MYO16: variants seen among roughly 807,000 people sequenced by gnomAD.
MYO16 encodes the protein unconventional myosin-XVI.
MYO16 carries 94 observed loss-of-function variants against 205.3 expected under a neutral mutation model. That is an observed-to-expected ratio of 0.46 (90% CI 0.39 to 0.54). The LOEUF (loss-of-function observed/expected upper bound fraction) is 0.54. Among genes scored for constraint, MYO16 ranks in the 20% least tolerant of loss-of-function variants. MYO16 has a pLI of 0.00. For synonymous variants in MYO16, 988 were observed against 954.0 expected, an observed-to-expected ratio of 1.04 and a Z score of -0.66; for missense variants, 2,315 against 2,387.5, an observed-to-expected ratio of 0.97 and a Z score of 0.63.
chr13:108,847,950 C>T (rs564132638), intron 10 of MYO16, among the ~76,000 whole-genome samples: 24 of 152,112 alleles, frequency 1.6e-4, no homozygotes, highest in Non-Finnish European at 2.6e-4. Flanking sequence ...AAATTGAAGT[C>T]AAGTCTTCAT....
At chr13:108,589,267 G>T in the MYO16 span, among the ~76,000 whole-genome samples, 1 of 152,074 alleles carries the variant, frequency 6.6e-6, no homozygotes, top group South Asian at 2.1e-4. Flanking sequence ...TTTTCCTACC[G>T]AACAGATTTT....
chr13:108,807,046 AC>A (rs1887136876), intron 7 of MYO16, among the ~76,000 whole-genome samples: 1 of 152,212 alleles, frequency 6.6e-6, no homozygotes, highest in African/African-American at 2.4e-5. Flanking sequence ...AAATCTGTAA[AC>A]ATTTGTCATA....
chr13:109,061,617 C>T (rs1178853661), intron 27 of MYO16, among the ~76,000 whole-genome samples: 1 of 152,090 alleles, frequency 6.6e-6, no homozygotes, highest in Admixed American at 6.6e-5. Context: ...TTTCTTATAT[C>T]GGTGTGGTTT....
chr13:109,010,949 A>G (rs752489982), intron 22 of MYO16, among the ~76,000 whole-genome samples: 14 of 132,156 alleles, frequency 1.1e-4, no homozygotes, highest in Non-Finnish European at 1.6e-4. Context: ...TATATATTAC[A>G]TATAATATTA....
intron 4 of MYO16, among the ~76,000 whole-genome samples, chr13:108,728,325 C>T (rs1884408851): frequency 6.6e-6 from 1 of 152,184 alleles, no homozygotes; most frequent in Non-Finnish European, 1.5e-5. Flanking sequence ...TATTAAACAA[C>T]TTGCCGTAAG....
At chr13:108,918,163 T>G (rs1881581853) in intron 16 of MYO16, among the ~76,000 whole-genome samples, 1 of 152,232 alleles carries the variant, frequency 6.6e-6, no homozygotes, top group Non-Finnish European at 1.5e-5. Context: ...ATCAGCATCT[T>G]AACCCTTCTC....
chr13:108,918,553 C>G (rs1365653445), intron 16 of MYO16, among the ~76,000 whole-genome samples: 1 of 152,228 alleles, frequency 6.6e-6, no homozygotes, highest in Non-Finnish European at 1.5e-5. Flanking sequence ...AGTGGCCCAT[C>G]TCTCAGCAGA....
Position 108,820,429 on chromosome 13 carries a change from C to T in MYO16, c.943+17C>T. The T allele has an allele frequency of 1.3e-6, 2 of 1,589,364 alleles. No homozygotes were observed. The highest frequency in any genetic ancestry group is 1.7e-6 in the Non-Finnish European group (2 of 1,164,648). On this transcript the variant is annotated intron_variant, in intron 8 of 34. Coordinates refer to ENST00000457511, the MANE Select transcript of MYO16 (RefSeq NM_001198950.3). ...AGGCGTCAGGTAGGTTAGGAGCATC[C>T]TTGGACCATTGAGCAGGTACTGTTT...
At chr13:108,648,271 A>C (rs1437396089) in intron 1 of MYO16, among the ~76,000 whole-genome samples, 4 of 152,338 alleles carry the variant, frequency 2.6e-5, no homozygotes, top group African/African-American at 4.8e-5. Flanking sequence ...GGGCATGGTC[A>C]GTGGTGTCTC....
intron 21 of MYO16, among the ~76,000 whole-genome samples, chr13:109,007,396 A>C (rs1478659920): frequency 1.3e-5 from 2 of 151,988 alleles, no homozygotes; most frequent in Non-Finnish European, 2.9e-5. Context: ...TCAAAAAAAA[A>C]GAAAAAAAAA....
chr13:109,194,409 A>T (rs890196289), intron 34 of MYO16, among the ~76,000 whole-genome samples: 2 of 152,230 alleles, frequency 1.3e-5, no homozygotes, highest in African/African-American at 2.4e-5. Context: ...GACTTTCTGC[A>T]TCTGTGAAAT....
At chr13:108,706,261 G>T (rs1181103020) in intron 2 of MYO16, among the ~76,000 whole-genome samples, 1 of 152,174 alleles carries the variant, frequency 6.6e-6, no homozygotes, top group Non-Finnish European at 1.5e-5. Context: ...ACAGTTGATT[G>T]TACGTGGCTG....
intron 34 of MYO16, among the ~76,000 whole-genome samples, chr13:109,183,698 C>A (rs1450883105): frequency 6.6e-6 from 1 of 152,018 alleles, no homozygotes; most frequent in African/African-American, 2.4e-5. Flanking sequence ...TAAAAATATT[C>A]TTTTGTTTTT....
chr13:108,555,639 A>G, the MYO16 span, among the ~76,000 whole-genome samples: 2 of 152,198 alleles, frequency 1.3e-5, no homozygotes, highest in African/African-American at 4.8e-5. Flanking sequence ...TCAAGAATAC[A>G]AGAATTTGTC....
chr13:108,672,150 A>G (rs933260802), intron 2 of MYO16, among the ~76,000 whole-genome samples: 7 of 152,194 alleles, frequency 4.6e-5, no homozygotes, highest in Non-Finnish European at 1.0e-4. Flanking sequence ...TTTGGATTGC[A>G]AATGAAAGTA....
intron 4 of MYO16, among the ~76,000 whole-genome samples, chr13:108,756,170 G>C (rs1885416011): frequency 6.6e-6 from 1 of 151,986 alleles, no homozygotes. Flanking sequence ...CATTTTTAAA[G>C]ACTTTCAATA....
At chr13:108,829,153 T>C (rs1876460290) in intron 9 of MYO16, among the ~76,000 whole-genome samples, 1 of 152,180 alleles carries the variant, frequency 6.6e-6, no homozygotes, top group African/African-American at 2.4e-5. Flanking sequence ...ACCTGTAGGC[T>C]CTGGTCTAAC....
chr13:109,191,032 A>T (rs1272585611), intron 34 of MYO16, among the ~76,000 whole-genome samples: 1 of 151,984 alleles, frequency 6.6e-6, no homozygotes, highest in Non-Finnish European at 1.5e-5. Flanking sequence ...AAGCCTAGCC[A>T]AAATGGAGAA....
chr13:109,105,627 A>G (rs1889102420), intron 28 of MYO16, among the ~76,000 whole-genome samples: 1 of 152,244 alleles, frequency 6.6e-6, no homozygotes, highest in Non-Finnish European at 1.5e-5. Context: ...AAACTACTAC[A>G]TAAATGTAAT....
Sources: allele counts gnomAD v4.1 joint callset (sites outside exome capture counted in the v4.1 genomes callset), GRCh38; gene constraint gnomAD v4.1.1; transcripts MANE v1.5; gene names NCBI Gene and HGNC (gene_info 2026-07-23, HGNC 2026-07-21).